The following SLC24A2 variants were observed in gnomAD, a reference collection of about 807,000 sequenced individuals.
The protein encoded by SLC24A2 is solute carrier family 24 member 2, also known as sodium/potassium/calcium exchanger 2.
SLC24A2 carries 36 observed loss-of-function variants against 62.0 expected under a neutral mutation model. The ratio of observed to expected loss-of-function variants is 0.58; its 90% CI spans 0.44 to 0.77. The LOEUF (loss-of-function observed/expected upper bound fraction) is 0.77. Among genes scored for constraint, SLC24A2 ranks in the 30% least tolerant of loss-of-function variants. SLC24A2 has a pLI of 0.00. For synonymous variants in SLC24A2, 358 were observed against 294.0 expected (o/e 1.22, Z -2.23); for missense variants, 846 against 817.9 (o/e 1.03, Z -0.42).
At chr9:19,938,176 C>CT in the SLC24A2 span, among the ~76,000 whole-genome samples, 1 of 152,028 alleles carries the variant, frequency 6.6e-6, no homozygotes, top group Non-Finnish European at 1.5e-5. Flanking sequence ...TGCAGAAAAT[C>CT]TTTTTAAAAG....
intron 6 of SLC24A2, among the ~76,000 whole-genome samples, chr9:19,574,098 G>T (rs867311348): frequency 2.0e-5 from 3 of 152,088 alleles, no homozygotes; most frequent in African/African-American, 7.2e-5. Context: ...GGTTCGACAG[G>T]TTGACCTCCA....
At chr9:20,013,763 C>A in the SLC24A2 span, among the ~76,000 whole-genome samples, 1 of 151,878 alleles carries the variant, frequency 6.6e-6, no homozygotes, top group Non-Finnish European at 1.5e-5. Flanking sequence ...GAAAAATGGG[C>A]AAAGGAGCAG....
chr9:20,121,721 G>A, the SLC24A2 span, among the ~76,000 whole-genome samples: 2 of 152,028 alleles, frequency 1.3e-5, no homozygotes, highest in African/African-American at 2.4e-5. Flanking sequence ...AGAAAACACC[G>A]ATATCCAGAC....
At chr9:20,147,707 A>C in the SLC24A2 span, among the ~76,000 whole-genome samples, 2 of 151,946 alleles carry the variant, frequency 1.3e-5, no homozygotes, top group African/African-American at 4.8e-5. Flanking sequence ...TAAACTCACA[A>C]ATTTCAGAGG....
chr9:19,990,983 A>G, the SLC24A2 span, among the ~76,000 whole-genome samples: 1 of 146,214 alleles, frequency 6.8e-6, no homozygotes, highest in African/African-American at 2.5e-5. Flanking sequence ...ATGTATATGT[A>G]TGTATTATAT....
the SLC24A2 span, among the ~76,000 whole-genome samples, chr9:19,949,440 T>TA: frequency 6.6e-6 from 1 of 152,186 alleles, no homozygotes; most frequent in Admixed American, 6.5e-5. Flanking sequence ...TAACAAGAAA[T>TA]ACATAACAAA....
At chr9:19,723,923 A>G (rs1414749374) in intron 2 of SLC24A2, among the ~76,000 whole-genome samples, 1 of 152,022 alleles carries the variant, frequency 6.6e-6, no homozygotes, top group African/African-American at 2.4e-5. Flanking sequence ...TGTTGATGTG[A>G]GCATTTTGCC....
At chr9:19,746,866 T>C (rs1421229397) in intron 2 of SLC24A2, among the ~76,000 whole-genome samples, 2 of 152,112 alleles carry the variant, frequency 1.3e-5, no homozygotes, top group South Asian at 2.1e-4. Flanking sequence ...GGGGTTCTTA[T>C]AGGAGTCCCT....
chr9:19,611,675 G>A (rs2132936411), intron 4 of SLC24A2, among the ~76,000 whole-genome samples: 1 of 152,230 alleles, frequency 6.6e-6, no homozygotes, highest in Admixed American at 6.5e-5. Context: ...CAGGGCCACT[G>A]TGAAATAAAT....
chr9:20,019,275 G>GA, the SLC24A2 span, among the ~76,000 whole-genome samples: 1 of 148,304 alleles, frequency 6.7e-6, no homozygotes, highest in African/African-American at 2.6e-5. Context: ...AAGAAAGAAA[G>GA]AAAGAAAGAA....
intron 2 of SLC24A2, among the ~76,000 whole-genome samples, chr9:19,685,696 T>C (rs1331885216): frequency 6.6e-6 from 1 of 152,056 alleles, no homozygotes; most frequent in East Asian, 1.9e-4. Context: ...CAAAAAATGG[T>C]GCTTGGATAA....
the SLC24A2 span, among the ~76,000 whole-genome samples, chr9:20,119,287 TCA>T: frequency 6.6e-6 from 1 of 152,108 alleles, no homozygotes; most frequent in Non-Finnish European, 1.5e-5. Flanking sequence ...AGCTCTTGAC[TCA>T]CAGAAACTGT....
At chr9:20,162,731 A>G in the SLC24A2 span, among the ~76,000 whole-genome samples, 19 of 152,132 alleles carry the variant, frequency 1.2e-4, no homozygotes, top group African/African-American at 3.6e-4. Context: ...AAAATCCTCA[A>G]TAAAATACTG....
the SLC24A2 span, among the ~76,000 whole-genome samples, chr9:19,806,582 T>C: frequency 6.6e-6 from 1 of 152,160 alleles, no homozygotes; most frequent in Non-Finnish European, 1.5e-5. Context: ...AGTGAAGATA[T>C]AACATTCATG....
intron 2 of SLC24A2, among the ~76,000 whole-genome samples, chr9:19,745,796 G>A (rs1025211098): frequency 1.6e-4 from 24 of 152,166 alleles, no homozygotes; most frequent in Admixed American, 9.2e-4. Flanking sequence ...GGCAAAGCAA[G>A]TCAAAAAAGT....
chr9:20,019,263 G>GAA, the SLC24A2 span, among the ~76,000 whole-genome samples: 2 of 135,978 alleles, frequency 1.5e-5, no homozygotes, highest in Admixed American at 7.6e-5. Context: ...GAGAAAGAAA[G>GAA]AAAGAAAGAA....
the SLC24A2 span, among the ~76,000 whole-genome samples, chr9:19,839,214 T>A: frequency 6.6e-6 from 1 of 152,194 alleles, no homozygotes. Flanking sequence ...CCAGTTAGAA[T>A]GGCGATCATT....
intron 2 of SLC24A2, among the ~76,000 whole-genome samples, chr9:19,762,516 T>A (rs1822368520): frequency 6.6e-6 from 1 of 152,220 alleles, no homozygotes; most frequent in Non-Finnish European, 1.5e-5. Context: ...CAGTTTCAGC[T>A]TTCTGCATAT....
At chr9:19,927,791 T>A in the SLC24A2 span, 3 of 152,200 alleles carry the variant, frequency 2.0e-5, no homozygotes, top group Non-Finnish European at 4.4e-5. Context: ...TTCAGGTTGA[T>A]GTGAAATCCA....
Sources: allele counts gnomAD v4.1 joint callset (sites outside exome capture counted in the v4.1 genomes callset), GRCh38; gene constraint gnomAD v4.1.1; transcripts MANE v1.5; gene names NCBI Gene and HGNC (gene_info 2026-07-23, HGNC 2026-07-21).